Variants in ATP5MC3 observed in about 807,000 individuals in gnomAD.
ATP5MC3 encodes ATP synthase F(0) complex subunit C3, mitochondrial.
ATP5MC3 carries 6 observed loss-of-function variants against 15.6 expected under a neutral mutation model. The observed-to-expected ratio is 0.38, with a 90% CI of 0.21 to 0.76. The LOEUF is 0.76. ATP5MC3 is among the 30% of genes least tolerant of loss of function. ATP5MC3 has a pLI of 0.44. For synonymous variants in ATP5MC3, 66 were observed against 63.3 expected, an observed-to-expected ratio of 1.04 and a Z score of -0.20; for missense variants, 132 against 171.2, an observed-to-expected ratio of 0.77 and a Z score of 1.28.
Position 175,181,405 on chromosome 2 carries a change from C to G in ATP5MC3, c.-12G>C, listed in dbSNP as rs751085612. ...GCGCAGGCGAACATCTTACACTCTT[C>G]GGGACTGCGCGGCTGGAGATATTGG... On this transcript the variant is annotated 5_prime_UTR_variant, in exon 2 of 5. Coordinates refer to ENST00000284727, the MANE Select transcript of ATP5MC3 (RefSeq NM_001689.5). 2 of 1,613,486 alleles carry G rather than the reference C, an allele frequency of 1.2e-6. No homozygotes were observed. Among genetic ancestry groups the G allele is most frequent in the South Asian group, 1.1e-5 (1 of 90,856 alleles).
At position 175,178,140 on chromosome 2, in the gene ATP5MC3, G is replaced by C. The variant is rs1700715508; in HGVS notation, c.*148C>G. The C allele has an allele frequency of 7.3e-7, 1 of 1,372,212 alleles. No individual in the cohort carries two copies. The highest frequency in any genetic ancestry group is 3.4e-5 in the Admixed American group (1 of 29,724). The allele number at this position is 1,372,212 out of a possible 1,614,324, so 85.0% of individuals were successfully genotyped here. A position where few individuals can be genotyped will look rare whatever the true frequency, so the allele number is the denominator to read the frequency against. On this transcript the variant is annotated 3_prime_UTR_variant, in exon 5 of 5. Transcript: ENST00000284727. The stretch of plus-strand genomic sequence containing the variant: ...CTTAGTGTAAGTACAAATCACAGAA[G>C]AAATTAAAGTTTTCATCTTTAATGA...
intron 3 of ATP5MC3, 110 bp from the exon 4 acceptor site, chr2:175,179,360 T>G: frequency 7.5e-7 from 1 of 1,340,492 alleles, no homozygotes; most frequent in South Asian, 1.8e-5. Context: ...TGTAGCTGAG[T>G]GTAAAGAGAC....
chr2:175,178,551 C>G, intron 4 of ATP5MC3, 149 bp from the exon 5 acceptor site: 1 of 1,393,466 alleles, frequency 7.2e-7, no homozygotes, highest in South Asian at 1.7e-5. Context: ...TTACACTATT[C>G]TCCTTCAATC....
At position 175,178,230 on chromosome 2, in the gene ATP5MC3, G is replaced by A; in HGVS notation, c.*58C>T. 6.3e-7 allele frequency: 1 copy of A among 1,575,970 alleles called. No individual in the cohort carries two copies. On this transcript the variant is annotated 3_prime_UTR_variant, in exon 5 of 5. Transcript: ENST00000284727. ...ACTACAGTTTTCGGAGTCACAGTAA[G>A]ATACACAGAATTACATCCGTAATTA...
Position 175,179,197 on chromosome 2 carries a change from C to T in ATP5MC3, c.174G>A (p.Arg58=). The change falls in exon 4 of 5, where the codon AGG becomes AGA. Residue 58 remains arginine, a synonymous_variant. Coordinates refer to ENST00000284727, the MANE Select transcript of ATP5MC3 (RefSeq NM_001689.5). The stretch of plus-strand genomic sequence containing the variant: ...TGCTGATTGCACTGGTCTGAAACTC[C>T]CTTTGGATTAGCTGAGACACACCAT... ...AQNGVSQLIQ[R]EFQTSAISRD... is the part of the protein sequence containing the mutation. 2 of 1,614,166 alleles carry T rather than the reference C, an allele frequency of 1.2e-6. No homozygotes were observed. Among genetic ancestry groups the T allele is most frequent in the Non-Finnish European group, 8.5e-7 (1 of 1,180,034 alleles).
intron 1 of ATP5MC3, 57 bp from the exon 2 acceptor site, chr2:175,181,523 C>A: frequency 2.6e-6 from 3 of 1,138,872 alleles, no homozygotes; most frequent in South Asian, 1.6e-5. Context: ...TTCTTCCCAC[C>A]CAGGCCCCGC....
Position 175,180,155 on chromosome 2 carries a change from T to G in ATP5MC3, c.63A>C (p.Ala21=). The change falls in exon 3 of 5, where the codon GCA becomes GCC. Residue 21 remains alanine (A), a synonymous_variant. Coordinates refer to ENST00000284727, the MANE Select transcript of ATP5MC3 (RefSeq NM_001689.5). The stretch of plus-strand genomic sequence containing the variant: ...ACACTGATGCAGAAATTGGTCTGTA[T>G]GCAACTCTGGATCCAGCTCGGATCT... ...PSLIRAGSRV[A]YRPISASVLS... is the part of the protein sequence containing the mutation. The G allele has an allele frequency of 6.3e-7, 1 of 1,598,526 alleles. No homozygotes were observed. Among genetic ancestry groups the G allele is most frequent in the Non-Finnish European group, 8.5e-7 (1 of 1,176,526 alleles).
In ATP5MC3 at chr2:175,177,748, T is replaced by C. The variant is rs1034590631; in HGVS notation, c.*540A>G. 1 of 152,206 alleles carries C rather than the reference T, an allele frequency of 6.6e-6. No homozygotes were observed. The highest frequency in any genetic ancestry group is 1.5e-5 in the Non-Finnish European group (1 of 68,028). 9.4% of individuals were successfully genotyped at this position (152,206 alleles called of 1,614,324 possible). A position where few individuals can be genotyped will look rare whatever the true frequency, so the allele number is the denominator to read the frequency against. Reference sequence around the variant, plus strand: ...GAAAAACAAAAGTCACATTACCCCCTAGCTTAAGGCTTCATTTCCTAAAAA... The same window carrying C: ...GAAAAACAAAAGTCACATTACCCCCCAGCTTAAGGCTTCATTTCCTAAAAA... On this transcript the variant is annotated 3_prime_UTR_variant, in exon 5 of 5. Coordinates refer to ENST00000284727, the MANE Select transcript of ATP5MC3 (RefSeq NM_001689.5).
rs1409100376 is a variant in ATP5MC3 at position 175,176,735 on chromosome 2, T to C, written c.*1553A>G. The C allele has an allele frequency of 6.6e-6, 1 of 152,172 alleles. No individual in the cohort carries two copies. Among genetic ancestry groups the C allele is most frequent in the Non-Finnish European group, 1.5e-5 (1 of 68,032 alleles). 9.4% of individuals were successfully genotyped at this position (152,172 alleles called of 1,614,324 possible). On this transcript the variant is annotated 3_prime_UTR_variant, in exon 5 of 5. Coordinates refer to ENST00000284727, the MANE Select transcript of ATP5MC3 (RefSeq NM_001689.5). ...GCCTATTTTGGATATTTCATATAAA[T>C]GGAATCATGTGGCTGGCTTCTTCCA...
intron 2 of ATP5MC3, 22 bp downstream of exon 2, chr2:175,181,333 C>G: frequency 6.2e-7 from 1 of 1,611,712 alleles, no homozygotes; most frequent in Non-Finnish European, 8.5e-7. Flanking sequence ...TCAATCCCCC[C>G]GACCCTGCCT....
intron 4 of ATP5MC3, chr2:175,178,836 C>G: frequency 2.7e-6 from 3 of 1,105,702 alleles, no homozygotes; most frequent in Non-Finnish European, 3.5e-6. Context: ...ATGACCTGGG[C>G]AAGTAATGTG....
Position 175,177,159 on chromosome 2 carries a change from C to T in ATP5MC3, c.*1129G>A, listed in dbSNP as rs779644368. On this transcript the variant is annotated 3_prime_UTR_variant, in exon 5 of 5. Transcript: ENST00000284727. ...TTTAAAGATGTAGATTGCTGAGTCTCATGTCCAAAGAGTCCAATTCAGTAG... is the reference window on the plus strand; with the variant it reads ...TTTAAAGATGTAGATTGCTGAGTCTTATGTCCAAAGAGTCCAATTCAGTAG... 7 of 152,152 alleles carry T rather than the reference C, an allele frequency of 4.6e-5. No individual in the cohort carries two copies. The highest frequency in any genetic ancestry group is 8.8e-5 in the Non-Finnish European group (6 of 68,016). The allele number at this position is 152,152 out of a possible 1,614,324, so 9.4% of individuals were successfully genotyped here. A position where few individuals can be genotyped will look rare whatever the true frequency, so the allele number is the denominator to read the frequency against.
At chr2:175,178,538 C>G (rs1700722189) in intron 4 of ATP5MC3, 136 bp from the exon 5 acceptor site, 1 of 1,413,232 alleles carries the variant, frequency 7.1e-7, no homozygotes, top group Admixed American at 3.2e-5. Context: ...GCCTAGATCT[C>G]TCTTACACTA....
Position 175,179,160 on chromosome 2 carries a change from T to C in ATP5MC3, c.211A>G (p.Thr71Ala), listed in dbSNP as rs1313967851. 3.7e-6 allele frequency: 6 copies of C among 1,614,082 alleles called. No homozygotes were observed. The East Asian group carries it at 1.3e-4, about 36-fold the overall frequency. The change falls in exon 4 of 5, where the codon ACT becomes GCT. Residue 71 changes from threonine to alanine, a missense_variant. By Grantham distance (58) the Thr-to-Ala change is moderately conservative. Transcript: ENST00000284727. Reference sequence around the variant, plus strand: ...CCTGCACCAATAAATTTGGCAGCAGTATCAATGTCTCTGCTGATTGCACTG... The same window carrying C: ...CCTGCACCAATAAATTTGGCAGCAGCATCAATGTCTCTGCTGATTGCACTG... ...QTSAISRDID[T>A]AAKFIGAGAA...
In ATP5MC3 at chr2:175,181,343, T is replaced by C. The variant is rs1010757349; in HGVS notation, c.39+12A>G. 6.2e-7 allele frequency: 1 copy of C among 1,613,126 alleles called. No homozygotes were observed. On this transcript the variant is annotated intron_variant, in intron 2 of 4. Coordinates refer to ENST00000284727, the MANE Select transcript of ATP5MC3 (RefSeq NM_001689.5). ...ACCCCTCAATCCCCCCGACCCTGCCTGGGCTACGCACCAGAGAGGGGGTGC... is the reference window on the plus strand; with the variant it reads ...ACCCCTCAATCCCCCCGACCCTGCCCGGGCTACGCACCAGAGAGGGGGTGC...
chr2:175,179,275 A>C, intron 3 of ATP5MC3, 25 bp from the exon 4 acceptor site: 1 of 1,576,596 alleles, frequency 6.3e-7, no homozygotes, highest in Admixed American at 1.8e-5. Flanking sequence ...ATAAAGGTAA[A>C]GGTCGTATCA....
chr2:175,181,250 A>G (rs933328782), intron 2 of ATP5MC3, 105 bp downstream of exon 2: 2 of 1,353,842 alleles, frequency 1.5e-6, no homozygotes, highest in Non-Finnish European at 2.0e-6. Context: ...GCCGTTCCCG[A>G]GAGGGCGGTG....
chr2:175,179,735 G>T (rs116272400), intron 3 of ATP5MC3: 5,845 of 211,192 alleles, frequency 0.028, 346 homozygotes, highest in African/African-American at 0.13. Flanking sequence ...GAACTCCTGG[G>T]GTCAAGCAAT....
At chr2:175,181,545 C>A (rs960004435) in intron 1 of ATP5MC3, 79 bp from the exon 2 acceptor site, 1 of 913,618 alleles carries the variant, frequency 1.1e-6, no homozygotes, top group Admixed American at 2.7e-5. Flanking sequence ...GGCTCCCGTG[C>A]ACGCCGTCAG....
Sources: allele counts gnomAD v4.1 joint callset, GRCh38; gene constraint gnomAD v4.1.1; transcripts MANE v1.5; gene names NCBI Gene and HGNC (gene_info 2026-07-23, HGNC 2026-07-21).